ASPM: variants seen among roughly 807,000 people sequenced by gnomAD.
ASPM encodes assembly factor for spindle microtubules.
In ASPM, 256 loss-of-function variants were observed where a neutral mutation model predicts 366.4. The observed-to-expected ratio is 0.70, with a 90% confidence interval of 0.63 to 0.77. The LOEUF (loss-of-function observed/expected upper bound fraction) is 0.77, where lower values mean the gene tolerates loss of function less well. ASPM is among the 30% of genes least tolerant of loss of function. The pLI is 0.00. For missense variants in ASPM, 4,146 were observed against 4,090.4 expected (o/e 1.01, Z -0.37); for synonymous variants, 1,414 against 1,342.9 (o/e 1.05, Z -1.16).
chr1:197,095,454 TA>T (rs11330621), intron 19 of ASPM, among the ~76,000 whole-genome samples: 67,781 of 151,328 alleles, frequency 0.45, 16,755 homozygotes, highest in East Asian at 0.82. Context: ...ACTATGAACT[TA>T]AAAAAAGATG....
Position 197,103,729 on chromosome 1 carries a change from C to G in ASPM, c.5522G>C (p.Arg1841Thr). The G allele has an allele frequency of 6.2e-7, 1 of 1,612,800 alleles. No homozygotes were observed. Among genetic ancestry groups the G allele is most frequent in the South Asian group, 1.1e-5 (1 of 91,046 alleles). ...TTGAAGCACAGATTGATATTTTACC[C>G]TTTTATTATAGCCTCTAAAAGCAGA... ...IQSAFRGYNKRVKYQSVLQSI... is the reference protein window; with the variant it reads ...IQSAFRGYNKTVKYQSVLQSI... The change falls in exon 18 of 28, where the codon AGG becomes ACG. Residue 1841 changes from arginine to threonine, a missense_variant. By Grantham distance (71) the Arg-to-Thr change is moderately conservative (BLOSUM62 -1). This residue lies in a region of ASPM where 3,624 missense variants were observed against 3,591.7 expected (regional missense o/e 1.01). Transcript: ENST00000367409.
chr1:197,107,437 A>C (rs1657447783), intron 17 of ASPM, among the ~76,000 whole-genome samples: 1 of 152,162 alleles, frequency 6.6e-6, no homozygotes, highest in African/African-American at 2.4e-5. Flanking sequence ...TTAGCTGCTA[A>C]AACTAAAATA....
At chr1:197,131,496 CTATT>C (rs1188678264) in intron 7 of ASPM, among the ~76,000 whole-genome samples, 1 of 151,614 alleles carries the variant, frequency 6.6e-6, no homozygotes. Flanking sequence ...TTTATGAGTA[CTATT>C]TAATCAGATT....
chr1:197,100,367 T>A, intron 18 of ASPM, 64 bp downstream of exon 18: 1 of 1,130,322 alleles, frequency 8.8e-7, no homozygotes, highest in Non-Finnish European at 1.2e-6. Flanking sequence ...ATTTTATACA[T>A]TCTAACAAAT....
chr1:197,109,425 A>G (rs867174174), intron 17 of ASPM, among the ~76,000 whole-genome samples: 2 of 152,136 alleles, frequency 1.3e-5, no homozygotes, highest in South Asian at 2.1e-4. Context: ...TGAAGCAGAA[A>G]AAGTATTTAA....
chr1:197,099,604 TG>T (rs1268698292), intron 18 of ASPM, among the ~76,000 whole-genome samples: 1 of 151,746 alleles, frequency 6.6e-6, no homozygotes, highest in Non-Finnish European at 1.5e-5. Context: ...TATACTTCCT[TG>T]TTCAATTAAG....
At chr1:197,106,353 C>A (rs982248798) in intron 17 of ASPM, among the ~76,000 whole-genome samples, 1 of 151,954 alleles carries the variant, frequency 6.6e-6, no homozygotes, top group Non-Finnish European at 1.5e-5. Context: ...CTTATTTGTA[C>A]AAAAGTATTT....
Position 197,128,512 on chromosome 1 carries a change from A to T in ASPM, c.2914T>A (p.Leu972Met). ...DFAVTNLAVD[L>M]QCGVRLVRTM... ...TACACAAGGCGCACTCCACATTGCA[A>T]GTCTACGGCAAGATTTGTAACGGCA... The change falls in exon 10 of 28, where the codon TTG (leucine) becomes ATG (methionine). Residue 972 changes from leucine to methionine, a missense_variant. Physicochemically the swap from Leu to Met is conservative, Grantham distance 15 (BLOSUM62 2). This residue lies in a region of ASPM where 3,624 missense variants were observed against 3,591.7 expected (regional missense o/e 1.01). Transcript: ENST00000367409. 6.2e-7 allele frequency: 1 copy of T among 1,613,682 alleles called. No individual in the cohort carries two copies. The highest frequency in any genetic ancestry group is 8.5e-7 in the Non-Finnish European group (1 of 1,179,588).
rs746586190 is a variant in ASPM, at chr1:197,104,442, C to G, written c.4809G>C (p.Lys1603Asn). 6.2e-7 allele frequency: 1 copy of G among 1,612,850 alleles called. No homozygotes were observed. Among genetic ancestry groups the G allele is most frequent in the Non-Finnish European group, 8.5e-7 (1 of 1,179,354 alleles). ...VRKHQQRQKY[K>N]KMKKAAVIIQ... Reference sequence around the variant, plus strand: ...TTATAACAGCTGCTTTCTTCATCTTCTTATATTTCTGTCGTTGTTGATGTT... The same window carrying G: ...TTATAACAGCTGCTTTCTTCATCTTGTTATATTTCTGTCGTTGTTGATGTT... Residue 1603 changes from lysine to asparagine, a missense_variant, in exon 18 of 28, where the codon AAG (lysine) becomes AAC (asparagine). This residue lies in a region of ASPM where 3,624 missense variants were observed against 3,591.7 expected (regional missense o/e 1.01). Coordinates refer to ENST00000367409, the MANE Select transcript of ASPM (RefSeq NM_018136.5).
intron 17 of ASPM, among the ~76,000 whole-genome samples, chr1:197,116,975 A>G (rs941265903): frequency 6.6e-6 from 1 of 152,034 alleles, no homozygotes; most frequent in African/African-American, 2.4e-5. Context: ...GCAATATTCT[A>G]TTTCTTGGCC....
chr1:197,132,467 GTTAAT>G (rs762986947), intron 6 of ASPM, 115 bp from the exon 7 acceptor site: 1 of 802,722 alleles, frequency 1.2e-6, no homozygotes, highest in South Asian at 1.6e-5. Context: ...TATGAAATAA[GTTAAT>G]TTAAATAAAA....
At position 197,084,403 on chromosome 1, in the gene ASPM, C is replaced by T. The variant is rs758935328; in HGVS notation, c.10355G>A (p.Arg3452Lys). 6.2e-7 allele frequency: 1 copy of T among 1,609,264 alleles called. No individual in the cohort carries two copies. The highest frequency in any genetic ancestry group is 1.1e-5 in the South Asian group (1 of 90,948). Residue 3452 changes from arginine (R) to lysine (K), a missense_variant, in exon 28 of 28, where the codon AGA becomes AAA. Physicochemically the swap from Arg to Lys is conservative, Grantham distance 26. Transcript: ENST00000367409. ...TGTGATTTCTTCCATGTTATCTCTT[C>T]TCAAAACCCAATCTGGCTTAAGTCT... ...VSRLKPDWVLRRDNMEEITNP... is the reference protein window; with the variant it reads ...VSRLKPDWVLKRDNMEEITNP...
At chr1:197,115,097 C>T (rs1242129867) in intron 17 of ASPM, among the ~76,000 whole-genome samples, 1 of 151,360 alleles carries the variant, frequency 6.6e-6, no homozygotes, top group Non-Finnish European at 1.5e-5. Context: ...AGGCTGATCT[C>T]GAACTCCTAG....
Position 197,103,486 on chromosome 1 carries a change from GTTT to G in ASPM, c.5762_5764del (p.Lys1921del). 1 of 1,613,196 alleles carries G rather than the reference GTTT, an allele frequency of 6.2e-7. No individual in the cohort carries two copies. Among genetic ancestry groups the G allele is most frequent in the Non-Finnish European group, 8.5e-7 (1 of 1,179,474 alleles). The stretch of plus-strand genomic sequence containing the variant: ...ATTTTGCTGGATGACTAATGCTGCT[GTTT>G]TAAACAATCTAAACTGTTTCTGGGC... On this transcript the variant is annotated inframe_deletion, in exon 18 of 28. Transcript: ENST00000367409.
intron 3 of ASPM, among the ~76,000 whole-genome samples, chr1:197,140,471 C>T (rs1658546838): frequency 6.6e-6 from 1 of 152,198 alleles, no homozygotes; most frequent in African/African-American, 2.4e-5. Flanking sequence ...CTTTTTCTCA[C>T]ACAGTTATGA....
chr1:197,096,670 C>T (rs537562861), intron 18 of ASPM, among the ~76,000 whole-genome samples: 12 of 151,854 alleles, frequency 7.9e-5, no homozygotes, highest in African/African-American at 2.9e-4. Flanking sequence ...TTCTGGAAGA[C>T]TAAAGGTTTA....
intron 18 of ASPM, among the ~76,000 whole-genome samples, chr1:197,099,326 T>C (rs1442330267): frequency 6.6e-6 from 1 of 151,610 alleles, no homozygotes; most frequent in Non-Finnish European, 1.5e-5. Context: ...TTTTTCTGTC[T>C]TAAAAATCTA....
In ASPM at chr1:197,084,328, T is replaced by C. The variant is rs757484781; in HGVS notation, c.10430A>G (p.Tyr3477Cys). The C allele has an allele frequency of 6.2e-7, 1 of 1,602,186 alleles. No individual in the cohort carries two copies. Among genetic ancestry groups the C allele is most frequent in the South Asian group, 1.1e-5 (1 of 90,838 alleles). Reference protein sequence around the residue: ...QMVMDTLGIPY With the variant: ...QMVMDTLGIPC ...TACTGAAAATGTTTACATTTACTAA[T>C]AAGGAATGCCAAGCGTATCCATCAC... Residue 3477 changes from tyrosine to cysteine, a missense_variant, in exon 28 of 28, where the codon TAT (tyrosine) becomes TGT (cysteine). Around this residue, in one of 3 missense-constraint regions of ASPM, gnomAD observed 3,624 missense variants for 3,591.7 expected, o/e 1.01. Transcript: ENST00000367409.
intron 27 of ASPM, among the ~76,000 whole-genome samples, chr1:197,084,652 A>G (rs989598526): frequency 7.2e-5 from 11 of 152,066 alleles, no homozygotes; most frequent in African/African-American, 2.4e-4. Context: ...AGCTTATGCT[A>G]TTTAGCTTGA....
Sources: gnomAD v4.1 joint callset for allele counts (sites outside exome capture counted in the v4.1 genomes callset) on GRCh38, gnomAD v4.1.1 for gene constraint, gnomAD v4.1.1 regional missense constraint, MANE v1.5 for transcripts, NCBI Gene and HGNC (gene_info 2026-07-23, HGNC 2026-07-21) for gene names.